The following ABCB5 variants were observed in gnomAD, a reference collection of about 807,000 sequenced individuals.
The protein encoded by ABCB5 is ATP binding cassette subfamily B member 5.
ABCB5 carries 155 observed loss-of-function variants against 144.2 expected under a neutral mutation model. The observed-to-expected ratio is 1.08, with a 90% CI of 0.94 to 1.23. The LOEUF (loss-of-function observed/expected upper bound fraction) is 1.23, where lower values mean the gene tolerates loss of function less well. Ranked by LOEUF, ABCB5 falls within the 50% of genes most tolerant of loss-of-function variation. The pLI is 0.00. For missense variants in ABCB5, 1,830 were observed against 1,520.8 expected, an observed-to-expected ratio of 1.20 and a Z score of -3.38; for synonymous variants, 610 against 528.6, an observed-to-expected ratio of 1.15 and a Z score of -2.11.
intron 19 of ABCB5, among the ~76,000 whole-genome samples, chr7:20,702,048 T>C (rs1163978785): frequency 6.6e-6 from 1 of 152,214 alleles, no homozygotes; most frequent in African/African-American, 2.4e-5. Context: ...TTTATAACCA[T>C]TGTGAAACTT....
intron 7 of ABCB5, among the ~76,000 whole-genome samples, chr7:20,645,536 G>A (rs1012724698): frequency 6.6e-6 from 1 of 152,200 alleles, no homozygotes; most frequent in African/African-American, 2.4e-5. Context: ...AAGGGCATGT[G>A]AAATCAGGTA....
chr7:20,722,657 T>A (rs1407765927), intron 20 of ABCB5, among the ~76,000 whole-genome samples: 1 of 152,020 alleles, frequency 6.6e-6, no homozygotes, highest in Non-Finnish European at 1.5e-5. Context: ...CCATCTCTAC[T>A]AAAAATATAA....
chr7:20,711,816 C>A (rs1224699246), intron 20 of ABCB5, among the ~76,000 whole-genome samples: 1 of 50,720 alleles, frequency 2.0e-5, no homozygotes, highest in African/African-American at 1.8e-4. Flanking sequence ...TTCTTTCTTT[C>A]TTTCTTTCTT....
At chr7:20,733,161 A>G (rs1782276001) in intron 23 of ABCB5, among the ~76,000 whole-genome samples, 1 of 151,996 alleles carries the variant, frequency 6.6e-6, no homozygotes, top group Admixed American at 6.6e-5. Context: ...CAGATTCCAG[A>G]GGTTTGGTTT....
chr7:20,727,008 T>C lies in ABCB5; in HGVS notation c.2626-32T>C, dbSNP rs375288043. On this transcript the variant is annotated intron_variant, in intron 21 of 27. Transcript: ENST00000404938. ...GGAAAAGATTAACCATTACTAATTT[T>C]ATTTCTATATTGTATTGTCCTGTTT... is the stretch of plus-strand genomic sequence containing the variant. The C allele has an allele frequency of 2.7e-6, 4 of 1,484,782 alleles. No individual in the cohort carries two copies. The African/African-American group carries it at 5.6e-5, about 21-fold the overall frequency. The allele number at this position is 1,484,782 out of a possible 1,614,324, so 92.0% of individuals were successfully genotyped here. A position where few individuals can be genotyped will look rare whatever the true frequency, so the allele number is the denominator to read the frequency against.
intron 20 of ABCB5, among the ~76,000 whole-genome samples, chr7:20,710,534 G>A (rs984529631): frequency 6.7e-6 from 1 of 148,792 alleles, no homozygotes; most frequent in African/African-American, 2.5e-5. Context: ...TTATCTTATG[G>A]ACAATATAAA....
At chr7:20,753,577 G>A (rs1583472140) in intron 27 of ABCB5, 71 bp downstream of exon 27, 3 of 1,507,190 alleles carry the variant, frequency 2.0e-6, no homozygotes, top group Non-Finnish European at 2.7e-6. Context: ...AGGAAACCAA[G>A]GTAAGTTTGG....
intron 14 of ABCB5, among the ~76,000 whole-genome samples, 177 bp from the exon 15 acceptor site, chr7:20,681,328 T>TGTTG: frequency 6.6e-6 from 1 of 152,166 alleles, no homozygotes; most frequent in South Asian, 2.1e-4. Context: ...AGTTTTACCA[T>TGTTG]GTTGGCCAGG....
At chr7:20,733,789 TCACCA>T (rs1782299243) in intron 23 of ABCB5, among the ~76,000 whole-genome samples, 1 of 152,198 alleles carries the variant, frequency 6.6e-6, no homozygotes, top group South Asian at 2.1e-4. Context: ...CAGGCACATG[TCACCA>T]CACCTGGCTA....
chr7:20,745,361 C>A lies in ABCB5; in HGVS notation c.3352C>A (p.Arg1118Ser). 1 of 1,614,104 alleles carries A rather than the reference C, an allele frequency of 6.2e-7. No homozygotes were observed. Among genetic ancestry groups the A allele is most frequent in the Non-Finnish European group, 8.5e-7 (1 of 1,179,998 alleles). The change falls in exon 26 of 28, where the codon CGT becomes AGT. Residue 1118 changes from arginine (R) to serine (S), a missense_variant. Physicochemically the swap from Arg to Ser is moderately radical, Grantham distance 110. Coordinates refer to ENST00000404938, the MANE Select transcript of ABCB5 (RefSeq NM_001163941.2). ...GAACATCGCCTATGGTGACAACAGCCGTGTGGTGCCATTAGATGAGATCAA... is the reference window on the plus strand; with the variant it reads ...GAACATCGCCTATGGTGACAACAGCAGTGTGGTGCCATTAGATGAGATCAA... ...AENIAYGDNS[R>S]VVPLDEIKEA... is the part of the protein sequence containing the mutation.
At chr7:20,624,298 G>C (rs950723887) in intron 2 of ABCB5, among the ~76,000 whole-genome samples, 8 of 152,158 alleles carry the variant, frequency 5.3e-5, no homozygotes, top group Non-Finnish European at 1.2e-4. Context: ...TTTGGGTTCT[G>C]GCGTCAGACT....
chr7:20,643,463 A>T lies in ABCB5; in HGVS notation c.509A>T (p.Asp170Val). The change falls in exon 7 of 28, where the codon GAC (aspartate) becomes GTC (valine). Residue 170 changes from aspartate to valine, a missense_variant and splice_region_variant. Coordinates refer to ENST00000404938, the MANE Select transcript of ABCB5 (RefSeq NM_001163941.2). ...IGELNTRMTD[D>V]IDKISDGIGD... ...CTACATTTATTTGCTTGTTTCAGTG[A>T]CATTGACAAAATCAGTGATGGTATT... The T allele has an allele frequency of 6.2e-7, 1 of 1,614,004 alleles. No homozygotes were observed. The highest frequency in any genetic ancestry group is 2.2e-5 in the East Asian group (1 of 44,884).
intron 14 of ABCB5, among the ~76,000 whole-genome samples, chr7:20,674,202 T>A (rs578007199): frequency 6.6e-6 from 1 of 151,974 alleles, no homozygotes; most frequent in Non-Finnish European, 1.5e-5. Flanking sequence ...TTTTTCTCCA[T>A]GCACTACGGA....
rs747891566 is a variant in ABCB5, at chr7:20,727,103, G to A, written c.2689G>A (p.Glu897Lys). 7 of 1,613,606 alleles carry A rather than the reference G, an allele frequency of 4.3e-6. No individual in the cohort carries two copies. Among genetic ancestry groups the A allele is most frequent in the East Asian group, 2.2e-5 (1 of 44,792 alleles). ...GTCATTAACAAGGGAAAAAGCCTTCGAGCAAATGTATGAAGAGATGCTTCA... is the reference window on the plus strand; with the variant it reads ...GTCATTAACAAGGGAAAAAGCCTTCAAGCAAATGTATGAAGAGATGCTTCA... ...IVSLTREKAF[E>K]QMYEEMLQTQ... The change falls in exon 22 of 28, where the codon GAG (glutamate) becomes AAG (lysine). Residue 897 changes from glutamate (E) to lysine (K), a missense_variant. Transcript: ENST00000404938.
intron 26 of ABCB5, among the ~76,000 whole-genome samples, chr7:20,749,156 T>G (rs865851308): frequency 9.2e-6 from 1 of 108,512 alleles, no homozygotes; most frequent in Non-Finnish European, 2.2e-5. Context: ...TCCCTCCCTC[T>G]CTCTCTCCTT....
chr7:20,672,755 G>A (rs532342437), intron 14 of ABCB5, among the ~76,000 whole-genome samples: 193 of 152,208 alleles, frequency 1.3e-3, no homozygotes, highest in African/African-American at 4.0e-3. Flanking sequence ...TAGACTTCCA[G>A]TTGGTCCTGT....
chr7:20,634,791 TA>T (rs1471029468), intron 5 of ABCB5, among the ~76,000 whole-genome samples: 2 of 152,138 alleles, frequency 1.3e-5, no homozygotes, highest in Admixed American at 1.3e-4. Context: ...GGGTTCCTTG[TA>T]GATTCTAGAT....
At chr7:20,665,123 C>T (rs1785131179) in intron 14 of ABCB5, among the ~76,000 whole-genome samples, 2 of 152,112 alleles carry the variant, frequency 1.3e-5, no homozygotes, top group Non-Finnish European at 2.9e-5. Flanking sequence ...TTAGGTAGTA[C>T]ACGTGGGTTC....
intron 26 of ABCB5, among the ~76,000 whole-genome samples, chr7:20,748,392 G>C (rs1782797799): frequency 6.6e-6 from 1 of 151,412 alleles, no homozygotes; most frequent in Non-Finnish European, 1.5e-5. Context: ...GCTCACACCT[G>C]TAATCCTAGC....
Sources: allele counts gnomAD v4.1 joint callset (sites outside exome capture counted in the v4.1 genomes callset), GRCh38; gene constraint gnomAD v4.1.1; transcripts MANE v1.5; gene names NCBI Gene and HGNC (gene_info 2026-07-23, HGNC 2026-07-21).